The following DCDC2 variants were observed in gnomAD, a reference collection of about 807,000 sequenced individuals.
DCDC2 encodes doublecortin domain containing 2, also known as doublecortin domain-containing protein 2.
In DCDC2, 40 loss-of-function variants were observed where a neutral mutation model predicts 50.2. That is an observed-to-expected ratio of 0.80 (90% CI 0.62 to 1.04). DCDC2 has a LOEUF of 1.04. DCDC2 is among the 50% of genes least tolerant of loss of function. The pLI, the probability that DCDC2 is intolerant of heterozygous loss-of-function variation, is 0.00. For synonymous variants in DCDC2, 234 were observed against 210.6 expected (o/e 1.11, Z -0.96); for missense variants, 570 against 581.9 (o/e 0.98, Z 0.21).
At chr6:24,353,036 T>C (rs1025341633) in intron 2 of DCDC2, among the ~76,000 whole-genome samples, 3 of 152,192 alleles carry the variant, frequency 2.0e-5, no homozygotes, top group Admixed American at 2.0e-4. Flanking sequence ...AAGCTCCTTT[T>C]CCAACCTTCA....
chr6:24,195,966 C>T (rs569526047), intron 8 of DCDC2, among the ~76,000 whole-genome samples: 3 of 152,132 alleles, frequency 2.0e-5, no homozygotes, highest in Non-Finnish European at 4.4e-5. Flanking sequence ...AATAACTTGG[C>T]CAATTTGCAC....
At chr6:24,227,389 G>C (rs1379019621) in intron 7 of DCDC2, among the ~76,000 whole-genome samples, 1 of 152,120 alleles carries the variant, frequency 6.6e-6, no homozygotes, top group African/African-American at 2.4e-5. Flanking sequence ...ATTCCAGGTA[G>C]GAATTAGAAA....
At position 24,178,502 on chromosome 6, in the gene DCDC2, G is replaced by C. The variant is rs773020868; in HGVS notation, c.1154C>G (p.Pro385Arg). ...ATCCAGAATCTCCTCGACTTGCTCAGGGGCATCTGTAGCCTCCCTACCTCC... is the reference window on the plus strand; with the variant it reads ...ATCCAGAATCTCCTCGACTTGCTCACGGGCATCTGTAGCCTCCCTACCTCC... Reference protein sequence around the residue: ...EEGGREATDAPEQVEEILDHS... With the variant: ...EEGGREATDAREQVEEILDHS... The change falls in exon 9 of 10, where the codon CCT (proline) becomes CGT (arginine). Residue 385 changes from proline to arginine, a missense_variant. Physicochemically the swap from Pro to Arg is moderately radical, Grantham distance 103 (BLOSUM62 -2). Transcript: ENST00000378454. 6.2e-7 allele frequency: 1 copy of C among 1,614,148 alleles called. No homozygotes were observed. The highest frequency in any genetic ancestry group is 1.3e-5 in the African/African-American group (1 of 75,032).
chr6:24,275,729 G>A (rs1018977433), intron 7 of DCDC2, among the ~76,000 whole-genome samples: 3 of 151,944 alleles, frequency 2.0e-5, no homozygotes, highest in African/African-American at 7.3e-5. Context: ...TAAAAGAACA[G>A]GAAGGCTTAT....
chr6:24,377,262 A>G, the DCDC2 span, among the ~76,000 whole-genome samples: 1 of 152,200 alleles, frequency 6.6e-6, no homozygotes, highest in African/African-American at 2.4e-5. Context: ...TATATATTCC[A>G]GAGCCAGAGT....
intron 2 of DCDC2, among the ~76,000 whole-genome samples, chr6:24,339,901 T>C (rs1760124721): frequency 6.6e-6 from 1 of 152,116 alleles, no homozygotes; most frequent in Non-Finnish European, 1.5e-5. Flanking sequence ...TGCTATAAGA[T>C]AGAGAGAGCA....
intron 6 of DCDC2, among the ~76,000 whole-genome samples, chr6:24,288,296 T>C (rs1323604096): frequency 6.6e-6 from 1 of 152,192 alleles, no homozygotes; most frequent in Non-Finnish European, 1.5e-5. Context: ...GAGCGCAGAC[T>C]GAAAACACAA....
chr6:24,250,717 T>TA (rs1239259662), intron 7 of DCDC2, among the ~76,000 whole-genome samples: 1 of 151,792 alleles, frequency 6.6e-6, no homozygotes, highest in Non-Finnish European at 1.5e-5. Context: ...ACTTATATCC[T>TA]AATCCTTACA....
chr6:24,317,291 A>G (rs1759689792), intron 2 of DCDC2, among the ~76,000 whole-genome samples: 1 of 152,074 alleles, frequency 6.6e-6, no homozygotes, highest in African/African-American at 2.4e-5. Context: ...GCATAGACAA[A>G]TAGACCAGAG....
intron 2 of DCDC2, among the ~76,000 whole-genome samples, chr6:24,321,211 T>C (rs952631591): frequency 5.0e-5 from 7 of 138,994 alleles, no homozygotes; most frequent in African/African-American, 1.9e-4. Context: ...ATAATGAAAA[T>C]AGAAAATCAC....
At chr6:24,330,316 T>C (rs7765678) in intron 2 of DCDC2, among the ~76,000 whole-genome samples, 11,050 of 152,224 alleles carry the variant, frequency 0.073, 405 homozygotes, top group African/African-American at 0.096. Context: ...ATGTAACTTC[T>C]ACACGTACTG....
At chr6:24,361,631 T>C (rs1194730465), upstream of DCDC2, among the ~76,000 whole-genome samples, 2 of 152,146 alleles carry the variant, frequency 1.3e-5, no homozygotes, top group Non-Finnish European at 2.9e-5. Context: ...AGGCAATCAA[T>C]TAAGTAGCCC....
chr6:24,291,099 A>G, intron 4 of DCDC2, 21 bp from the exon 5 acceptor site: 1 of 1,600,190 alleles, frequency 6.2e-7, no homozygotes, highest in Non-Finnish European at 8.5e-7. Context: ...TATGAACACC[A>G]ACAATTAGAA....
At chr6:24,209,323 T>C (rs939758649) in intron 7 of DCDC2, among the ~76,000 whole-genome samples, 2 of 152,206 alleles carry the variant, frequency 1.3e-5, no homozygotes, top group African/African-American at 4.8e-5. Flanking sequence ...AGTAAATTTG[T>C]GGATTTAGAC....
At chr6:24,206,975 A>C (rs933132174) in intron 7 of DCDC2, among the ~76,000 whole-genome samples, 2 of 152,228 alleles carry the variant, frequency 1.3e-5, no homozygotes, top group African/African-American at 4.8e-5. Context: ...GGAATTCATA[A>C]GAATAAACAG....
the DCDC2 span, among the ~76,000 whole-genome samples, chr6:24,375,829 G>T: frequency 6.8e-6 from 1 of 146,452 alleles, no homozygotes; most frequent in East Asian, 2.1e-4. Context: ...TGTAAAAGGA[G>T]AGAGATGAAA....
At chr6:24,234,370 T>A (rs908185410) in intron 7 of DCDC2, among the ~76,000 whole-genome samples, 1 of 152,154 alleles carries the variant, frequency 6.6e-6, no homozygotes, top group Admixed American at 6.5e-5. Context: ...TTGAAGATAA[T>A]GGGCTTTGTC....
chr6:24,302,178 G>C lies in DCDC2; in HGVS notation c.349-134C>G, dbSNP rs984018890. The C allele has an allele frequency of 1.0e-5, 7 of 700,296 alleles. No individual in the cohort carries two copies. In the Admixed American group the frequency reaches 1.5e-4, roughly 15 times the overall value. The allele number at this position is 700,296 out of a possible 1,614,324, so 43.4% of individuals were successfully genotyped here. The stretch of plus-strand genomic sequence containing the variant: ...CTTTGTTAAAACCTTGCTTTTCTCA[G>C]CATTTCTGTAAACTCTGAGCTCACC... On this transcript the variant is annotated intron_variant, in intron 2 of 9. Coordinates refer to ENST00000378454, the MANE Select transcript of DCDC2 (RefSeq NM_016356.5).
chr6:24,174,575 A>C lies in DCDC2; in HGVS notation c.*155T>G, dbSNP rs7744665. ...TATCCTTTAGTAGCCATTTAAAGTTATCTGGTCTTTCCACTAGGCTTCTAA... is the reference window on the plus strand; with the variant it reads ...TATCCTTTAGTAGCCATTTAAAGTTCTCTGGTCTTTCCACTAGGCTTCTAA... On this transcript the variant is annotated 3_prime_UTR_variant, in exon 10 of 10. Coordinates refer to ENST00000378454, the MANE Select transcript of DCDC2 (RefSeq NM_016356.5). 33,242 of 480,054 alleles carry C rather than the reference A, an allele frequency of 0.069. 5,122 individuals are homozygous for C. Among genetic ancestry groups the C allele is most frequent in the African/African-American group, 0.43 (22,097 of 50,954 alleles). The allele number at this position is 480,054 out of a possible 1,614,324, so 29.7% of individuals were successfully genotyped here.
Sources: gnomAD v4.1 joint callset for allele counts (sites outside exome capture counted in the v4.1 genomes callset) on GRCh38, gnomAD v4.1.1 for gene constraint, MANE v1.5 for transcripts, NCBI Gene and HGNC (gene_info 2026-07-23, HGNC 2026-07-21) for gene names.